The following NDST4 variants were observed in gnomAD, a reference collection of about 807,000 sequenced individuals.
NDST4 encodes N-deacetylase and N-sulfotransferase 4.
In NDST4, 63 loss-of-function variants were observed where a neutral mutation model predicts 100.8. The observed-to-expected ratio is 0.62, with a 90% confidence interval of 0.51 to 0.77. The LOEUF (loss-of-function observed/expected upper bound fraction) is 0.77. NDST4 is among the 30% of genes least tolerant of loss of function. The pLI, the probability that NDST4 is intolerant of heterozygous loss-of-function variation, is 0.00. For synonymous variants in NDST4, 377 were observed against 361.8 expected (o/e 1.04, Z -0.48); for missense variants, 943 against 1,018.4 (o/e 0.93, Z 1.01).
At chr4:114,938,760 CAA>C (rs1212133853) in intron 4 of NDST4, among the ~76,000 whole-genome samples, 6 of 152,310 alleles carry the variant, frequency 3.9e-5, no homozygotes, top group Admixed American at 2.0e-4. Flanking sequence ...AAATTTTTCA[CAA>C]GTCTCCATCA....
At chr4:115,099,088 G>A (rs1459343590) in intron 1 of NDST4, among the ~76,000 whole-genome samples, 4 of 152,132 alleles carry the variant, frequency 2.6e-5, no homozygotes, top group African/African-American at 9.7e-5. Context: ...TGGTACAACA[G>A]AACATCCACA....
chr4:114,888,998 T>G (rs1724537081), intron 6 of NDST4, among the ~76,000 whole-genome samples: 1 of 152,192 alleles, frequency 6.6e-6, no homozygotes, highest in Non-Finnish European at 1.5e-5. Flanking sequence ...CTCCAGGTTC[T>G]CATCCATACA....
In NDST4 at chr4:114,926,556, A is replaced by C. The variant is rs116285578; in HGVS notation, c.1536+8650T>G. ...GAATGCCAGTGAGAGTCAAAATTAA[A>C]AAAAAAACTGTTGAAAATGCAGAAA... On this transcript the variant is annotated intron_variant, in intron 6 of 13. Transcript: ENST00000264363. Among the ~76,000 whole-genome samples, 2,198 of 152,170 alleles carry C rather than the reference A, an allele frequency of 0.014. 95 individuals carry two copies. The South Asian group carries it at 0.16, about 11-fold the overall frequency.
At chr4:114,833,746 G>GA (rs1418363916) in intron 11 of NDST4, 31 bp from the exon 12 acceptor site, 1 of 1,431,790 alleles carries the variant, frequency 7.0e-7, no homozygotes, top group African/African-American at 1.4e-5. Context: ...ACTTTATGAA[G>GA]AAAAAAATTA....
intron 1 of NDST4, among the ~76,000 whole-genome samples, chr4:115,106,358 A>AG (rs1729833418): frequency 6.6e-6 from 1 of 152,062 alleles, no homozygotes; most frequent in South Asian, 2.1e-4. Context: ...GTTAAATTTG[A>AG]GGTAATTTTA....
chr4:114,867,734 A>G (rs1305224603), intron 7 of NDST4, among the ~76,000 whole-genome samples: 1 of 148,626 alleles, frequency 6.7e-6, no homozygotes, highest in Non-Finnish European at 1.5e-5. Flanking sequence ...ATTCTACCAA[A>G]ATAATAAAGG....
At chr4:115,060,693 TG>T (rs1728800971) in intron 2 of NDST4, among the ~76,000 whole-genome samples, 1 of 151,982 alleles carries the variant, frequency 6.6e-6, no homozygotes, top group South Asian at 2.1e-4. Context: ...TATGTAATAA[TG>T]ATACCTTTTT....
chr4:114,885,494 A>G (rs1446574170), intron 6 of NDST4, among the ~76,000 whole-genome samples: 1 of 152,112 alleles, frequency 6.6e-6, no homozygotes, highest in Admixed American at 6.6e-5. Context: ...TCAGAATTCA[A>G]TGCTTTTTAT....
intron 2 of NDST4, among the ~76,000 whole-genome samples, chr4:115,011,611 G>C (rs1727549295): frequency 6.6e-6 from 1 of 151,632 alleles, no homozygotes; most frequent in African/African-American, 2.4e-5. Context: ...AGCAGTTTCA[G>C]GTAATAATAA....
At chr4:114,834,604 T>C (rs11098270) in intron 11 of NDST4, among the ~76,000 whole-genome samples, 16,529 of 151,702 alleles carry the variant, frequency 0.11, 948 homozygotes, top group Middle Eastern at 0.15. Context: ...AGCTGGAAGA[T>C]AGAATATTAA....
chr4:115,020,999 T>C (rs1727799836), intron 2 of NDST4, among the ~76,000 whole-genome samples: 1 of 152,030 alleles, frequency 6.6e-6, no homozygotes, highest in African/African-American at 2.4e-5. Flanking sequence ...TGGAAAACAA[T>C]GTGGAGATTC....
At chr4:114,953,181 A>G (rs887322185) in intron 4 of NDST4, among the ~76,000 whole-genome samples, 1 of 151,962 alleles carries the variant, frequency 6.6e-6, no homozygotes, top group Non-Finnish European at 1.5e-5. Context: ...AACAAATTCT[A>G]GGGCTCGGTT....
chr4:115,057,702 G>GCACACACA (rs59805768), intron 2 of NDST4, among the ~76,000 whole-genome samples: 23 of 147,340 alleles, frequency 1.6e-4, no homozygotes, highest in East Asian at 6.1e-4. Flanking sequence ...GCGTGCGCAC[G>GCACACACA]CACACACACA....
At chr4:114,837,146 T>C (rs1317831091) in intron 11 of NDST4, among the ~76,000 whole-genome samples, 2 of 152,082 alleles carry the variant, frequency 1.3e-5, no homozygotes, top group Non-Finnish European at 2.9e-5. Flanking sequence ...CTGTGTTCAG[T>C]TTTGTGCCTT....
intron 7 of NDST4, among the ~76,000 whole-genome samples, chr4:114,858,600 A>G (rs72679764): frequency 0.024 from 3,580 of 152,310 alleles, 66 homozygotes; most frequent in Non-Finnish European, 0.038. Flanking sequence ...GAGTCCAACA[A>G]ATAGTTTTTA....
chr4:114,873,162 T>C (rs1357279686), intron 6 of NDST4, among the ~76,000 whole-genome samples: 1 of 151,834 alleles, frequency 6.6e-6, no homozygotes, highest in Non-Finnish European at 1.5e-5. Flanking sequence ...GAAGACAATA[T>C]CACTCATCAT....
At chr4:114,935,996 T>C (rs1367059141) in intron 5 of NDST4, among the ~76,000 whole-genome samples, 2 of 152,122 alleles carry the variant, frequency 1.3e-5, no homozygotes, top group Non-Finnish European at 2.9e-5. Flanking sequence ...ACAGTTTTTT[T>C]TTTCAAAATT....
At chr4:115,068,632 C>T (rs1223098421) in intron 2 of NDST4, among the ~76,000 whole-genome samples, 1 of 127,316 alleles carries the variant, frequency 7.9e-6, no homozygotes, top group Non-Finnish European at 1.6e-5. Context: ...CACGGTGAAA[C>T]CCCATCTCCA....
intron 1 of NDST4, among the ~76,000 whole-genome samples, chr4:115,105,638 T>C (rs1032467828): frequency 2.6e-5 from 4 of 152,140 alleles, no homozygotes; most frequent in African/African-American, 7.2e-5. Flanking sequence ...GTAGCCAGCA[T>C]TTATTTTCTA....
Sources: gnomAD v4.1 joint callset for allele counts (sites outside exome capture counted in the v4.1 genomes callset) on GRCh38, gnomAD v4.1.1 for gene constraint, MANE v1.5 for transcripts, NCBI Gene and HGNC (gene_info 2026-07-23, HGNC 2026-07-21) for gene names.